SLC35F3: variants seen among roughly 807,000 people sequenced by gnomAD.
The protein encoded by SLC35F3 is putative thiamine transporter SLC35F3.
SLC35F3 carries 25 observed loss-of-function variants against 49.9 expected under a neutral mutation model. The observed-to-expected ratio is 0.50, with a 90% CI of 0.37 to 0.70. The LOEUF (loss-of-function observed/expected upper bound fraction) is 0.70. Ranked by LOEUF, SLC35F3 falls within the 30% of genes least tolerant of loss-of-function variation. SLC35F3 has a pLI of 0.00. For missense variants in SLC35F3, 525 were observed against 639.8 expected, an observed-to-expected ratio of 0.82 and a Z score of 1.94; for synonymous variants, 275 against 265.4, an observed-to-expected ratio of 1.04 and a Z score of -0.35.
At chr1:233,905,507 C>A in intron 1 of SLC35F3, 22 bp from the exon 2 acceptor site, 1 of 1,582,788 alleles carries the variant, frequency 6.3e-7, no homozygotes, top group Non-Finnish European at 8.6e-7. Context: ...CACCCACCTG[C>A]CCGTGGCGCC....
intron 2 of SLC35F3, among the ~76,000 whole-genome samples, chr1:234,175,693 C>T (rs896197576): frequency 6.7e-6 from 1 of 148,430 alleles, no homozygotes; most frequent in African/African-American, 2.5e-5. Flanking sequence ...GGAAGAGAGT[C>T]TAGATAAACC....
intron 2 of SLC35F3, among the ~76,000 whole-genome samples, chr1:233,921,594 C>T (rs2102787776): frequency 6.6e-6 from 1 of 152,336 alleles, no homozygotes; most frequent in South Asian, 2.1e-4. Flanking sequence ...AATCTTTTTC[C>T]ATAGCATTGC....
At chr1:234,177,821 C>T (rs17514104) in intron 2 of SLC35F3, among the ~76,000 whole-genome samples, 29,498 of 152,146 alleles carry the variant, frequency 0.19, 3,732 homozygotes, top group Non-Finnish European at 0.28. Flanking sequence ...TGGATTGGAA[C>T]TTGACAAGCT....
intron 2 of SLC35F3, among the ~76,000 whole-genome samples, chr1:234,036,503 A>G (rs1664146498): frequency 6.6e-6 from 1 of 152,184 alleles, no homozygotes; most frequent in South Asian, 2.1e-4. Context: ...GGGAGCTGAG[A>G]AGGAGGAGAG....
intron 2 of SLC35F3, among the ~76,000 whole-genome samples, chr1:234,194,962 C>A (rs888323531): frequency 3.3e-5 from 5 of 152,286 alleles, no homozygotes; most frequent in African/African-American, 1.2e-4. Context: ...ATTTTGGGAG[C>A]CACTCTTGAC....
At chr1:234,051,433 C>T (rs1664374387) in intron 2 of SLC35F3, among the ~76,000 whole-genome samples, 1 of 152,094 alleles carries the variant, frequency 6.6e-6, no homozygotes, top group Non-Finnish European at 1.5e-5. Context: ...TGATTTGGCT[C>T]TCTGTTTGTC....
At position 234,046,004 on chromosome 1, in the gene SLC35F3, G is replaced by A. The variant is rs1413354981; in HGVS notation, c.283+140246G>A. 2.0e-5 allele frequency among the ~76,000 whole-genome samples: 3 copies of A among 152,014 alleles called. No homozygotes were observed. Among genetic ancestry groups the A allele is most frequent in the Admixed American group, 2.0e-4 (3 of 15,256 alleles). ...TATTCAACTACAATACTCCATTGTA[G>A]CTGAATAATATGCTATGTTTATCCT... is the stretch of plus-strand genomic sequence containing the variant. On this transcript the variant is annotated intron_variant, in intron 2 of 7. Transcript: ENST00000366618. This position sits in a 1 kb window ranked among gnomAD's most constrained non-coding sequence, Gnocchi z 4.4.
intron 2 of SLC35F3, among the ~76,000 whole-genome samples, chr1:234,206,395 CG>C (rs1356260719): frequency 2.0e-5 from 3 of 149,896 alleles, no homozygotes; most frequent in Non-Finnish European, 4.4e-5. Context: ...CAGAGGCATC[CG>C]GCACCCAAAG....
intron 2 of SLC35F3, among the ~76,000 whole-genome samples, chr1:234,099,142 A>G (rs1210965944): frequency 6.6e-6 from 1 of 152,144 alleles, no homozygotes; most frequent in Non-Finnish European, 1.5e-5. Context: ...TAGAAAAGGC[A>G]GAAATCATAT....
rs973101715 is a variant in SLC35F3, at chr1:233,905,669, G to C, written c.194G>C (p.Ser65Thr). Residue 65 changes from serine to threonine, a missense_variant, in exon 2 of 8, where the codon AGC becomes ACC. By Grantham distance (58) the Ser-to-Thr change is moderately conservative. This residue lies in a region of SLC35F3 where 228 missense variants were observed against 218.9 expected (regional missense o/e 1.04). Coordinates refer to ENST00000366618, the MANE Select transcript of SLC35F3 (RefSeq NM_173508.4). ...TCGCGCTCCGTGGAGGATCTCACCA[G>C]CGGGCCGGTGGGGCTCACGTCCATC... ...KWSRSVEDLT[S>T]GPVGLTSIEE... is the part of the protein sequence containing the mutation. The C allele has an allele frequency of 6.2e-7, 1 of 1,614,212 alleles. No homozygotes were observed. The highest frequency in any genetic ancestry group is 1.3e-5 in the African/African-American group (1 of 75,072).
chr1:234,113,446 T>C lies in SLC35F3; in HGVS notation c.284-117971T>C, dbSNP rs1341032747. On this transcript the variant is annotated intron_variant, in intron 2 of 7. Coordinates refer to ENST00000366618, the MANE Select transcript of SLC35F3 (RefSeq NM_173508.4). ...AGAAGCTAGAGGAGGAAGAAGCTGCTAAATGTAAATGTAATGTTGGAAGGT... is the reference window on the plus strand; with the variant it reads ...AGAAGCTAGAGGAGGAAGAAGCTGCCAAATGTAAATGTAATGTTGGAAGGT... Among the ~76,000 whole-genome samples, 3 of 152,264 alleles carry C rather than the reference T, an allele frequency of 2.0e-5. No homozygotes were observed. In the East Asian group the frequency reaches 5.8e-4, roughly 29 times the overall value.
intron 2 of SLC35F3, among the ~76,000 whole-genome samples, chr1:234,072,837 A>G (rs1056739754): frequency 1.3e-5 from 2 of 152,136 alleles, no homozygotes; most frequent in Non-Finnish European, 2.9e-5. Context: ...TCTTGTAAGG[A>G]CCTTGGCTTG....
chr1:234,068,168 G>A (rs992596527), intron 2 of SLC35F3, among the ~76,000 whole-genome samples: 1 of 152,156 alleles, frequency 6.6e-6, no homozygotes, highest in African/African-American at 2.4e-5. Context: ...TCTGCCAACC[G>A]AAACTCCATC....
At chr1:233,940,058 A>T (rs1662396092) in intron 2 of SLC35F3, among the ~76,000 whole-genome samples, 1 of 152,176 alleles carries the variant, frequency 6.6e-6, no homozygotes, top group South Asian at 2.1e-4. Flanking sequence ...GGATGAGCCT[A>T]ATTAATTTTA....
At chr1:234,171,493 G>A (rs1008619042) in intron 2 of SLC35F3, among the ~76,000 whole-genome samples, 2 of 152,136 alleles carry the variant, frequency 1.3e-5, no homozygotes, top group African/African-American at 2.4e-5. Context: ...TCTACTTTAA[G>A]ATTTACCTGG....
At chr1:233,926,783 T>A (rs138245944) in intron 2 of SLC35F3, among the ~76,000 whole-genome samples, 25 of 152,340 alleles carry the variant, frequency 1.6e-4, no homozygotes, top group African/African-American at 5.8e-4. Flanking sequence ...TATCTACCTT[T>A]GGTCTTTGAT....
chr1:234,102,202 A>C (rs566021298), intron 2 of SLC35F3, among the ~76,000 whole-genome samples: 10 of 152,348 alleles, frequency 6.6e-5, no homozygotes, highest in Admixed American at 1.3e-4. Context: ...TTTAGAGAAG[A>C]GATGCTCTGT....
chr1:234,309,659 C>T (rs984687621), intron 4 of SLC35F3, among the ~76,000 whole-genome samples: 17 of 152,388 alleles, frequency 1.1e-4, no homozygotes, highest in African/African-American at 3.6e-4. Context: ...TCATGGGCGG[C>T]TTTCCCGGCT....
chr1:234,158,540 G>T (rs1166917698), intron 2 of SLC35F3, among the ~76,000 whole-genome samples: 1 of 152,046 alleles, frequency 6.6e-6, no homozygotes, highest in Non-Finnish European at 1.5e-5. Context: ...TCACTGTCTA[G>T]TATTTGTTGG....
Sources: gnomAD v4.1 joint callset for allele counts (sites outside exome capture counted in the v4.1 genomes callset) on GRCh38, gnomAD v4.1.1 for gene constraint, gnomAD v4.1.1 regional missense constraint, Gnocchi (gnomAD v3.1) non-coding constraint, MANE v1.5 for transcripts, NCBI Gene and HGNC (gene_info 2026-07-23, HGNC 2026-07-21) for gene names.